The following NFIC variants were observed in gnomAD, a reference collection of about 807,000 sequenced individuals.
The protein encoded by NFIC is nuclear factor 1 C-type.
NFIC carries 12 observed loss-of-function variants against 54.4 expected under a neutral mutation model. That is an observed-to-expected ratio of 0.22 (90% CI 0.14 to 0.36). NFIC has a LOEUF of 0.36. Ranked by LOEUF, NFIC falls within the 10% of genes least tolerant of loss-of-function variation. The pLI is 1.00. For missense variants in NFIC, 575 were observed against 718.2 expected, an observed-to-expected ratio of 0.80 and a Z score of 2.28; for synonymous variants, 322 against 319.2, an observed-to-expected ratio of 1.01 and a Z score of -0.09.
intron 10 of NFIC, 63 bp downstream of exon 10, chr19:3,456,698 G>T: frequency 5.9e-6 from 8 of 1,350,312 alleles, no homozygotes; most frequent in Middle Eastern, 4.8e-4. Flanking sequence ...GGCCCGGGGG[G>T]CTCAGGGCGA....
intron 2 of NFIC, among the ~76,000 whole-genome samples, chr19:3,394,288 G>A (rs1160785686): frequency 6.6e-6 from 1 of 151,838 alleles, no homozygotes; most frequent in Non-Finnish European, 1.5e-5. Flanking sequence ...AGACCAGCCT[G>A]GCCAACATAC....
At chr19:3,434,196 G>T in intron 4 of NFIC, 81 bp from the exon 5 acceptor site, 1 of 1,520,594 alleles carries the variant, frequency 6.6e-7, no homozygotes. Flanking sequence ...ACTGCACCCA[G>T]TGGCTTTCCC....
At chr19:3,390,117 G>C (rs764918872) in intron 2 of NFIC, among the ~76,000 whole-genome samples, 2 of 152,258 alleles carry the variant, frequency 1.3e-5, no homozygotes, top group African/African-American at 2.4e-5. Context: ...CAGTGAGCCA[G>C]TGGGGGCACC....
At chr19:3,454,163 T>G in intron 9 of NFIC, 1 of 1,268,286 alleles carries the variant, frequency 7.9e-7, no homozygotes, top group Non-Finnish European at 9.9e-7. Flanking sequence ...CTTCGCCGAG[T>G]CACCTGGGGG....
chr19:3,460,934 G>A (rs1291616384), intron 10 of NFIC, among the ~76,000 whole-genome samples: 2 of 150,562 alleles, frequency 1.3e-5, no homozygotes, highest in South Asian at 2.2e-4. Context: ...AGACCAGCCT[G>A]GCCAACATGG....
intron 3 of NFIC, among the ~76,000 whole-genome samples, chr19:3,432,776 A>G (rs1479035648): frequency 6.7e-6 from 1 of 149,244 alleles, no homozygotes; most frequent in Non-Finnish European, 1.5e-5. Context: ...TCGGGTTCAC[A>G]CCATTCTCCT....
At chr19:3,423,125 G>C (rs1392378059) in intron 2 of NFIC, among the ~76,000 whole-genome samples, 1 of 152,132 alleles carries the variant, frequency 6.6e-6, no homozygotes, top group Non-Finnish European at 1.5e-5. Context: ...TTGAACCCGA[G>C]AGGTGGAGGT....
intron 2 of NFIC, among the ~76,000 whole-genome samples, chr19:3,398,275 G>A (rs944476971): frequency 6.6e-5 from 10 of 152,178 alleles, no homozygotes; most frequent in Non-Finnish European, 1.3e-4. Flanking sequence ...AGGGTATTAG[G>A]GAGAAGGGCC....
intron 1 of NFIC, among the ~76,000 whole-genome samples, chr19:3,367,523 T>A (rs1245914065): frequency 6.6e-6 from 1 of 151,804 alleles, no homozygotes. Context: ...CTGGCCGCAC[T>A]CCCAGACTGC....
At chr19:3,441,738 T>C (rs1337268664) in intron 6 of NFIC, among the ~76,000 whole-genome samples, 1 of 152,184 alleles carries the variant, frequency 6.6e-6, no homozygotes, top group African/African-American at 2.4e-5. Context: ...GCCAGGCTTA[T>C]TGTTGCAGCC....
Position 3,425,216 on chromosome 19 carries a change from C to T in NFIC, c.634+39C>T, listed in dbSNP as rs764891487. 39 of 1,582,564 alleles carry T rather than the reference C, an allele frequency of 2.5e-5. No individual in the cohort carries two copies. The African/African-American group carries it at 2.6e-4, about 10-fold the overall frequency. Reference sequence around the variant, plus strand: ...CAGCGTGGCGGTGAAGGGCGGAGGGCGCAGCCCTGTCCTCGTCTTTTATTT... The same window carrying T: ...CAGCGTGGCGGTGAAGGGCGGAGGGTGCAGCCCTGTCCTCGTCTTTTATTT... On this transcript the variant is annotated intron_variant, in intron 3 of 10. Coordinates refer to ENST00000443272, the MANE Select transcript of NFIC (RefSeq NM_001245002.2).
chr19:3,377,333 CAAAAAAAAAAAAAA>C (rs71164684), intron 1 of NFIC, among the ~76,000 whole-genome samples: 1 of 57,864 alleles, frequency 1.7e-5, no homozygotes, highest in Admixed American at 2.7e-4. Flanking sequence ...GACTCTGTCT[CAAAAAAAAAAAAAA>C]AAAAAAAAAA....
At chr19:3,454,177 C>A in intron 9 of NFIC, 1 of 1,255,966 alleles carries the variant, frequency 8.0e-7, no homozygotes, top group East Asian at 3.3e-5. Flanking sequence ...CTGGGGGACC[C>A]CGGTGCCCGC....
chr19:3,376,648 C>G (rs763463988), intron 1 of NFIC, among the ~76,000 whole-genome samples: 1 of 152,074 alleles, frequency 6.6e-6, no homozygotes. Context: ...GTGGGAGAAT[C>G]GCTTGAGTCT....
In NFIC at chr19:3,463,614, G is replaced by GGCCCCC; in HGVS notation, c.*845_*846insGCCCCC. The GGCCCCC allele has an allele frequency of 1.0e-6, 1 of 959,102 alleles. No homozygotes were observed. Among genetic ancestry groups the GGCCCCC allele is most frequent in the Non-Finnish European group, 1.2e-6 (1 of 807,844 alleles). 59.4% of individuals were successfully genotyped at this position (959,102 alleles called of 1,614,324 possible). ...GGGAGGAGAAGTCTCTATGCAATTG[G>GGCCCCC]CCCCGGCCCCTCCACCCCCCACCCC... On this transcript the variant is annotated 3_prime_UTR_variant, in exon 11 of 11. Transcript: ENST00000443272.
intron 7 of NFIC, 141 bp downstream of exon 7, chr19:3,449,280 C>T (rs2082420610): frequency 4.5e-6 from 6 of 1,333,448 alleles, no homozygotes; most frequent in South Asian, 1.6e-5. Flanking sequence ...ATAGAGGTGC[C>T]GTAGTGGAGA....
chr19:3,463,958 C>T lies in NFIC; in HGVS notation c.*1189C>T. The T allele has an allele frequency of 1.0e-6, 1 of 983,594 alleles. No individual in the cohort carries two copies. The allele number at this position is 983,594 out of a possible 1,614,324, so 60.9% of individuals were successfully genotyped here. A position where few individuals can be genotyped will look rare whatever the true frequency, so the allele number is the denominator to read the frequency against. ...CCTCCAGTCAACCCTCATCGCCGTGCCCCCCCAGAGCTAGAGAGATGGGGC... is the reference window on the plus strand; with the variant it reads ...CCTCCAGTCAACCCTCATCGCCGTGTCCCCCCAGAGCTAGAGAGATGGGGC... On this transcript the variant is annotated 3_prime_UTR_variant, in exon 11 of 11. Transcript: ENST00000443272.
chr19:3,398,661 G>C (rs200471767), intron 2 of NFIC, among the ~76,000 whole-genome samples: 1 of 152,094 alleles, frequency 6.6e-6, no homozygotes, highest in African/African-American at 2.4e-5. Flanking sequence ...TGACAGCTCC[G>C]GGTGGCTACG....
In NFIC at chr19:3,450,860, C is replaced by T. The variant is rs1021865740; in HGVS notation, c.1085-1622C>T. ...GGGCCAGGGGTCAGCAAACGCTGGC[C>T]CCCTGGTTGCCTGTTCTTACGAATA... On this transcript the variant is annotated intron_variant, in intron 7 of 10. Coordinates refer to ENST00000443272, the MANE Select transcript of NFIC (RefSeq NM_001245002.2). Among the ~76,000 whole-genome samples, 6 of 152,282 alleles carry T rather than the reference C, an allele frequency of 3.9e-5. No homozygotes were observed. The East Asian group carries it at 7.7e-4, about 20-fold the overall frequency.
Sources: allele counts gnomAD v4.1 joint callset (sites outside exome capture counted in the v4.1 genomes callset), GRCh38; gene constraint gnomAD v4.1.1; transcripts MANE v1.5; gene names NCBI Gene and HGNC (gene_info 2026-07-23, HGNC 2026-07-21).